Variants in NLGN4X observed in about 807,000 individuals in gnomAD.
NLGN4X encodes neuroligin 4 X-linked.
A neutral mutation model predicts 40.3 loss-of-function variants in NLGN4X; 3 were observed. The ratio of observed to expected loss-of-function variants is 0.07; its 90% CI spans 0.03 to 0.19. The LOEUF (loss-of-function observed/expected upper bound fraction) is 0.19, where lower values mean the gene tolerates loss of function less well. Among genes scored for constraint, NLGN4X ranks in the 10% least tolerant of loss-of-function variants. NLGN4X has a pLI of 1.00. For missense variants in NLGN4X, 382 were observed against 708.3 expected (o/e 0.54, Z 5.23); for synonymous variants, 270 against 306.8 (o/e 0.88, Z 1.25).
chrX:6,159,197 TAC>T (rs1212807095), intron 1 of NLGN4X, among the ~76,000 whole-genome samples: 1 of 111,488 alleles, frequency 9.0e-6, no homozygotes. Context: ...TCCTGAAATA[TAC>T]AGCAAGGACA....
intron 1 of NLGN4X, among the ~76,000 whole-genome samples, chrX:6,196,425 G>T (rs1171211548): frequency 9.2e-6 from 1 of 108,283 alleles, no homozygotes; most frequent in Non-Finnish European, 1.9e-5. Context: ...GGTGGCGGGC[G>T]CCTGTAGTCT....
chrX:5,999,252 C>T (rs1210004087), intron 3 of NLGN4X, among the ~76,000 whole-genome samples: 1 of 112,081 alleles, frequency 8.9e-6, no homozygotes, highest in Non-Finnish European at 1.9e-5. Context: ...CTTGAACACT[C>T]TTGTGCATGC....
intron 2 of NLGN4X, among the ~76,000 whole-genome samples, chrX:6,148,757 G>C (rs895105713): frequency 3.6e-5 from 4 of 111,456 alleles, no homozygotes; most frequent in Non-Finnish European, 7.5e-5. Context: ...CACGTGATCT[G>C]CCTGCCTCGG....
chrX:6,054,135 C>T (rs2147303200), intron 2 of NLGN4X, among the ~76,000 whole-genome samples: 1 of 111,079 alleles, frequency 9.0e-6, no homozygotes, highest in South Asian at 3.8e-4. Flanking sequence ...ATACGTGCAA[C>T]TTTTTTTTTA....
intron 3 of NLGN4X, among the ~76,000 whole-genome samples, chrX:5,978,370 TTC>T (rs1231597466): frequency 4.8e-5 from 5 of 104,001 alleles, no homozygotes; most frequent in Admixed American, 3.1e-4. Flanking sequence ...TTTCTCTTTC[TTC>T]TCTCTTTTCT....
Position 6,151,609 on chromosome X carries a change from G to C in NLGN4X, c.-143C>G. Reference sequence around the variant, plus strand: ...GACTCTCAGACTGATCACAGACAGAGCCTGAGGTTAAGAACAAGCACAGCC... The same window carrying C: ...GACTCTCAGACTGATCACAGACAGACCCTGAGGTTAAGAACAAGCACAGCC... On this transcript the variant is annotated 5_prime_UTR_variant, in exon 2 of 6. Transcript: ENST00000381095. The C allele has an allele frequency of 1.9e-6, 1 of 525,497 alleles. No homozygotes were observed. The allele number at this position is 525,497 out of a possible 1,213,427, so 43.3% of individuals were successfully genotyped here. A position where few individuals can be genotyped will look rare whatever the true frequency, so the allele number is the denominator to read the frequency against.
intron 2 of NLGN4X, among the ~76,000 whole-genome samples, chrX:6,129,650 T>C (rs767522383): frequency 1.8e-5 from 2 of 111,362 alleles, no homozygotes; most frequent in Non-Finnish European, 3.8e-5. Context: ...TATGTGACAA[T>C]AAACAATATG....
chrX:6,033,624 G>T (rs1418323946), intron 2 of NLGN4X, among the ~76,000 whole-genome samples: 3 of 112,127 alleles, frequency 2.7e-5, no homozygotes, highest in Admixed American at 9.5e-5. Context: ...ACGTGAATTT[G>T]TTGAAGAAAA....
In NLGN4X at chrX:6,073,446, A is replaced by C. The variant is rs182390419; in HGVS notation, c.473-44014T>G. On this transcript the variant is annotated intron_variant, in intron 2 of 5. Transcript: ENST00000381095. ...TTATGCAGACTTTAGCATTGTTCCC[A>C]TTGGTGACATTTTGCATAGAGGGCC... 5.0e-4 allele frequency among the ~76,000 whole-genome samples: 56 copies of C among 112,491 alleles called. 1 individual carries two copies. The highest frequency in any genetic ancestry group is 3.8e-3 in the Admixed American group (40 of 10,611).
At chrX:5,897,951 CCTT>C (rs2031597958) in intron 5 of NLGN4X, among the ~76,000 whole-genome samples, 1 of 94,628 alleles carries the variant, frequency 1.1e-5, no homozygotes, top group Non-Finnish European at 2.1e-5. Context: ...TCCCTGTTTT[CCTT>C]CTTTCCCTCC....
intron 2 of NLGN4X, among the ~76,000 whole-genome samples, chrX:6,122,486 G>A (rs1269644523): frequency 1.8e-5 from 2 of 109,990 alleles, no homozygotes; most frequent in Non-Finnish European, 3.8e-5. Context: ...CACCTGCCTC[G>A]GCCTCCCAAA....
At chrX:5,916,169 C>T (rs1321901841) in intron 3 of NLGN4X, among the ~76,000 whole-genome samples, 2 of 112,071 alleles carry the variant, frequency 1.8e-5, no homozygotes, top group Non-Finnish European at 1.9e-5. Context: ...TCTTTGAATG[C>T]TTTCTATGAA....
At chrX:6,021,754 T>A (rs5961400) in intron 3 of NLGN4X, among the ~76,000 whole-genome samples, 36,786 of 108,592 alleles carry the variant, frequency 0.34, 5,361 homozygotes, top group East Asian at 0.76. Context: ...TTTTTTTTTT[T>A]GTTTTGCAAA....
rs1251352429 is a variant in NLGN4X at position 5,966,334 on chromosome X, T to C, written c.626-57095A>G. Among the ~76,000 whole-genome samples, 5 of 112,510 alleles carry C rather than the reference T, an allele frequency of 4.4e-5. No homozygotes were observed. In the East Asian group the frequency reaches 1.4e-3, roughly 32 times the overall value. On this transcript the variant is annotated intron_variant, in intron 3 of 5. Transcript: ENST00000381095. The stretch of plus-strand genomic sequence containing the variant: ...GTCATGTGTAAACTTAGCTTAAATA[T>C]TAATAAACACTTAGTAAATTCATCA...
At chrX:6,037,507 T>C (rs374186597) in intron 2 of NLGN4X, among the ~76,000 whole-genome samples, 4 of 110,421 alleles carry the variant, frequency 3.6e-5, no homozygotes, top group East Asian at 5.7e-4. Context: ...TCATAGAAAG[T>C]CAATAGATAC....
chrX:6,161,855 T>A (rs944914271), intron 1 of NLGN4X, among the ~76,000 whole-genome samples: 1 of 111,364 alleles, frequency 9.0e-6, no homozygotes, highest in Admixed American at 9.7e-5. Context: ...AAGAGATTTA[T>A]ATAGATACAA....
chrX:6,215,549 C>A (rs866851990), intron 1 of NLGN4X, among the ~76,000 whole-genome samples: 66 of 77,156 alleles, frequency 8.6e-4, no homozygotes, highest in South Asian at 1.3e-3. Flanking sequence ...AACTCCGTCT[C>A]AAAAAAAAAA....
chrX:6,037,305 C>CA (rs113525865), intron 2 of NLGN4X, among the ~76,000 whole-genome samples: 8,846 of 97,989 alleles, frequency 0.09, 1,070 homozygotes, highest in African/African-American at 0.31. Flanking sequence ...GACCTTATCA[C>CA]AAAAAAAAAT....
chrX:5,979,210 G>A (rs2035300909), intron 3 of NLGN4X, among the ~76,000 whole-genome samples: 1 of 110,808 alleles, frequency 9.0e-6, no homozygotes, highest in Admixed American at 9.7e-5. Context: ...GGCCTCTTAG[G>A]CTTGGCATAA....
Sources: gnomAD v4.1 joint callset for allele counts (sites outside exome capture counted in the v4.1 genomes callset) on GRCh38, gnomAD v4.1.1 for gene constraint, MANE v1.5 for transcripts, NCBI Gene and HGNC (gene_info 2026-07-23, HGNC 2026-07-21) for gene names.